Variants in CPQ observed in about 807,000 individuals in gnomAD.
CPQ encodes the protein carboxypeptidase Q.
Under a neutral mutation model 45.7 loss-of-function variants are expected in CPQ, and 37 were observed. The ratio of observed to expected loss-of-function variants is 0.81; its 90% confidence interval spans 0.62 to 1.07. The LOEUF is 1.07. CPQ is among the 50% of genes least tolerant of loss of function. The pLI, the probability that CPQ is intolerant of heterozygous loss-of-function variation, is 0.00. For missense variants in CPQ, 537 were observed against 572.9 expected (o/e 0.94, Z 0.64); for synonymous variants, 186 against 205.8 (o/e 0.90, Z 0.82).
At chr8:96,680,120 A>G (rs1315400401) in intron 1 of CPQ, among the ~76,000 whole-genome samples, 3 of 152,190 alleles carry the variant, frequency 2.0e-5, no homozygotes, top group African/African-American at 7.2e-5. Context: ...TTGTATTCAC[A>G]TCTTCATTTG....
chr8:96,718,442 C>G (rs1284189539), intron 1 of CPQ, among the ~76,000 whole-genome samples: 1 of 151,598 alleles, frequency 6.6e-6, no homozygotes, highest in African/African-American at 2.4e-5. Flanking sequence ...CTTAAGGCAG[C>G]GCGTCTGGAG....
chr8:97,066,012 A>G lies in CPQ; in HGVS notation c.1057A>G (p.Asn353Asp). 1 of 1,610,144 alleles carries G rather than the reference A, an allele frequency of 6.2e-7. No individual in the cohort carries two copies. The highest frequency in any genetic ancestry group is 1.3e-5 in the African/African-American group (1 of 74,840). ...AACAATTTTCTCTTGTGTTTAGGTA[A>G]ATATTTCCAACTACAGTCTGGTGAT... ...AFQYYQLHKV[N>D]ISNYSLVMES... Residue 353 changes from asparagine (N) to aspartate (D), a missense_variant, in exon 7 of 8, where the codon AAT (asparagine) becomes GAT (aspartate). Transcript: ENST00000220763.
In CPQ at chr8:96,936,305, G is replaced by A. The variant is rs535216785; in HGVS notation, c.850-29630G>A. On this transcript the variant is annotated intron_variant, in intron 4 of 7. Coordinates refer to ENST00000220763, the MANE Select transcript of CPQ (RefSeq NM_016134.4). Reference sequence around the variant, plus strand: ...TGGAAGTTTTGCCTAACATCTTTTAGAAATTGTTTTCAGGTCTGTTTCAAT... The same window carrying A: ...TGGAAGTTTTGCCTAACATCTTTTAAAAATTGTTTTCAGGTCTGTTTCAAT... Among the ~76,000 whole-genome samples the A allele has an allele frequency of 1.1e-4, 16 of 152,234 alleles. No individual in the cohort carries two copies. In the East Asian group the frequency reaches 2.5e-3, roughly 24 times the overall value.
At chr8:96,748,485 G>A (rs1314875915) in intron 1 of CPQ, among the ~76,000 whole-genome samples, 4 of 151,572 alleles carry the variant, frequency 2.6e-5, no homozygotes, top group African/African-American at 9.7e-5. Flanking sequence ...TAACTTCATT[G>A]TACGATCTGG....
At chr8:96,947,210 A>G (rs1306119080) in intron 4 of CPQ, among the ~76,000 whole-genome samples, 1 of 152,176 alleles carries the variant, frequency 6.6e-6, no homozygotes, top group Non-Finnish European at 1.5e-5. Flanking sequence ...AATATATTTG[A>G]CTAAGAACAT....
chr8:96,838,703 G>A (rs1285478933), intron 3 of CPQ, among the ~76,000 whole-genome samples: 1 of 151,960 alleles, frequency 6.6e-6, no homozygotes, highest in African/African-American at 2.4e-5. Flanking sequence ...TATAATGTTT[G>A]AAACATGGTA....
intron 7 of CPQ, among the ~76,000 whole-genome samples, chr8:97,139,378 A>G (rs992436359): frequency 6.6e-6 from 1 of 152,182 alleles, no homozygotes; most frequent in Non-Finnish European, 1.5e-5. Flanking sequence ...ATCAGTAAGG[A>G]GTTAAAAGGT....
At position 96,802,004 on chromosome 8, in the gene CPQ, C is replaced by CTTTA. The variant is rs376820656; in HGVS notation, c.433+16677_433+16678insATTT. 2.3e-3 allele frequency among the ~76,000 whole-genome samples: 348 copies of CTTTA among 152,156 alleles called. 4 individuals are homozygous for CTTTA. Among genetic ancestry groups the CTTTA allele is most frequent in the African/African-American group, 8.2e-3 (340 of 41,534 alleles). On this transcript the variant is annotated intron_variant, in intron 2 of 7. Transcript: ENST00000220763. ...CTTCTTGATAGTTATGATTCCATCT[C>CTTTA]TTTGTCTTTGTGTTTATTTTTTCAG...
intron 7 of CPQ, among the ~76,000 whole-genome samples, chr8:97,141,165 T>C (rs1007286453): frequency 1.3e-5 from 2 of 152,064 alleles, no homozygotes; most frequent in African/African-American, 4.8e-5. Flanking sequence ...ACAGTATGGA[T>C]CTTACAGGAA....
At chr8:97,097,491 C>T (rs535532499) in intron 7 of CPQ, among the ~76,000 whole-genome samples, 1 of 152,236 alleles carries the variant, frequency 6.6e-6, no homozygotes, top group South Asian at 2.1e-4. Flanking sequence ...ATTCTTTAGT[C>T]CTACTCTCTG....
At chr8:96,906,540 T>A (rs1812580002) in intron 4 of CPQ, among the ~76,000 whole-genome samples, 1 of 152,140 alleles carries the variant, frequency 6.6e-6, no homozygotes, top group Admixed American at 6.6e-5. Context: ...TATAACAAAA[T>A]TATAATAAAA....
rs201459227 is a variant in CPQ at position 97,019,681 on chromosome 8, C to T, written c.962-9722C>T. On this transcript the variant is annotated intron_variant, in intron 5 of 7. Transcript: ENST00000220763. ...TGTCCAACAGGAAAATATCACAATT[C>T]TAAATATATATGCACCTAACACTGG... Among the ~76,000 whole-genome samples, 23 of 152,208 alleles carry T rather than the reference C, an allele frequency of 1.5e-4. No homozygotes were observed. The East Asian group carries it at 4.4e-3, about 29-fold the overall frequency.
At chr8:96,937,540 CAGACCTT>C (rs910185391) in intron 4 of CPQ, among the ~76,000 whole-genome samples, 2 of 152,126 alleles carry the variant, frequency 1.3e-5, no homozygotes, top group Non-Finnish European at 2.9e-5. Flanking sequence ...GGAAGTCTGC[CAGACCTT>C]AGACCTTAGG....
chr8:97,142,980 C>G, intron 7 of CPQ, 40 bp from the exon 8 acceptor site: 1 of 1,604,402 alleles, frequency 6.2e-7, no homozygotes, highest in African/African-American at 1.3e-5. Context: ...CAGTGTCTGT[C>G]AAAATACTCC....
At chr8:97,062,569 C>T (rs1810569278) in intron 6 of CPQ, among the ~76,000 whole-genome samples, 1 of 152,102 alleles carries the variant, frequency 6.6e-6, no homozygotes, top group Non-Finnish European at 1.5e-5. Context: ...TATTTTCTCT[C>T]CCAGGTGTTA....
intron 5 of CPQ, among the ~76,000 whole-genome samples, chr8:96,973,774 C>A (rs1195690395): frequency 2.0e-5 from 3 of 152,156 alleles, no homozygotes; most frequent in African/African-American, 7.2e-5. Context: ...CAAAACTAAG[C>A]TTCATAAATG....
intron 6 of CPQ, among the ~76,000 whole-genome samples, chr8:97,056,015 C>T (rs532948869): frequency 6.6e-6 from 1 of 152,034 alleles, no homozygotes; most frequent in Non-Finnish European, 1.5e-5. Flanking sequence ...GGGAGGATTG[C>T]TTGAGCCTGG....
In CPQ at chr8:96,801,135, C is replaced by G. The variant is rs1450167661; in HGVS notation, c.433+15805C>G. 1.3e-5 allele frequency among the ~76,000 whole-genome samples: 2 copies of G among 152,032 alleles called. 1 individual carries two copies. Among genetic ancestry groups the G allele is most frequent in the South Asian group, 4.1e-4 (2 of 4,824 alleles). On this transcript the variant is annotated intron_variant, in intron 2 of 7. Transcript: ENST00000220763. ...GGATTACAGGCGTACACCACAACGCCCAGCTATTTTTTGTATTTTTTGGTA... is the reference window on the plus strand; with the variant it reads ...GGATTACAGGCGTACACCACAACGCGCAGCTATTTTTTGTATTTTTTGGTA...
intron 7 of CPQ, among the ~76,000 whole-genome samples, chr8:97,128,011 A>G (rs1811875764): frequency 6.6e-6 from 1 of 152,266 alleles, no homozygotes; most frequent in Non-Finnish European, 1.5e-5. Context: ...TTATTGCTGT[A>G]GTAGTCACAC....
Sources: allele counts gnomAD v4.1 joint callset (sites outside exome capture counted in the v4.1 genomes callset), GRCh38; gene constraint gnomAD v4.1.1; transcripts MANE v1.5; gene names NCBI Gene and HGNC (gene_info 2026-07-23, HGNC 2026-07-21).